AGL: variants seen among roughly 807,000 people sequenced by gnomAD.
The protein encoded by AGL is glycogen debranching enzyme.
AGL carries 128 observed loss-of-function variants against 199.3 expected under a neutral mutation model. The observed-to-expected ratio is 0.64, with a 90% CI of 0.56 to 0.74. The LOEUF is 0.74. Ranked by LOEUF, AGL falls within the 30% of genes least tolerant of loss-of-function variation. AGL has a pLI of 0.00. For missense variants in AGL, 1,809 were observed against 1,820.8 expected, an observed-to-expected ratio of 0.99 and a Z score of 0.12; for synonymous variants, 584 against 594.7, an observed-to-expected ratio of 0.98 and a Z score of 0.26.
Position 99,877,743 on chromosome 1 carries a change from T to A in AGL, c.1526T>A (p.Met509Lys), listed in dbSNP as rs1367177057. Residue 509 changes from methionine (M) to lysine (K), a missense_variant, in exon 12 of 34, where the codon ATG (methionine) becomes AAG (lysine). Coordinates refer to ENST00000361915, the MANE Select transcript of AGL (RefSeq NM_000642.3). ...GACTGTCCTTATCTCTGGGCACACATGAAAAAATACACTGAAATAACTGCA... is the reference window on the plus strand; with the variant it reads ...GACTGTCCTTATCTCTGGGCACACAAGAAAAAATACACTGAAATAACTGCA... ...PEDCPYLWAHMKKYTEITATY... is the reference protein window; with the variant it reads ...PEDCPYLWAHKKKYTEITATY... 1 of 1,614,018 alleles carries A rather than the reference T, an allele frequency of 6.2e-7. No individual in the cohort carries two copies. The highest frequency in any genetic ancestry group is 1.1e-5 in the South Asian group (1 of 91,082).
chr1:99,913,451 A>G, intron 29 of AGL, 76 bp from the exon 30 acceptor site: 1 of 1,213,326 alleles, frequency 8.2e-7, no homozygotes. Context: ...TAAACTAAAT[A>G]TTACTATTTG....
intron 31 of AGL, 75 bp downstream of exon 31, chr1:99,915,561 T>C (rs1557792926): frequency 5.4e-6 from 7 of 1,294,924 alleles, no homozygotes; most frequent in Non-Finnish European, 7.7e-6. Context: ...TAATTTTTTT[T>C]TTTTTGCCAG....
chr1:99,861,819 A>G, intron 3 of AGL, 106 bp downstream of exon 3: 2 of 1,282,148 alleles, frequency 1.6e-6, no homozygotes, highest in East Asian at 2.3e-5. Context: ...TGCAATTTTT[A>G]TAGTGCTTCC....
At chr1:99,900,286 A>C (rs1653722327) in intron 25 of AGL, among the ~76,000 whole-genome samples, 1 of 152,116 alleles carries the variant, frequency 6.6e-6, no homozygotes, top group African/African-American at 2.4e-5. Flanking sequence ...AAAATAATTA[A>C]GTTCTTGTTT....
chr1:99,861,261 C>A, intron 2 of AGL: 1 of 1,357,188 alleles, frequency 7.4e-7, no homozygotes, highest in Non-Finnish European at 9.5e-7. Flanking sequence ...AATGCGTTTC[C>A]AGGGGAAGGA....
intron 4 of AGL, among the ~76,000 whole-genome samples, chr1:99,862,756 A>G (rs1040423183): frequency 1.3e-5 from 2 of 152,160 alleles, no homozygotes; most frequent in Admixed American, 6.5e-5. Flanking sequence ...CTCACTCACT[A>G]TCATGAGAAC....
chr1:99,907,276 T>C (rs941180904), intron 27 of AGL, among the ~76,000 whole-genome samples: 3 of 152,316 alleles, frequency 2.0e-5, no homozygotes, highest in Middle Eastern at 3.4e-3. Flanking sequence ...ATCATACATA[T>C]GAGAATTTCA....
chr1:99,854,984 T>A (rs1649297914), intron 2 of AGL, among the ~76,000 whole-genome samples: 1 of 152,120 alleles, frequency 6.6e-6, no homozygotes, highest in African/African-American at 2.4e-5. Flanking sequence ...GCGGATCACC[T>A]GAGTTCAGGA....
In AGL at chr1:99,891,285, T is replaced by A. The variant is rs1204607008; in HGVS notation, c.2878T>A (p.Leu960Met). 6 of 1,613,584 alleles carry A rather than the reference T, an allele frequency of 3.7e-6. No individual in the cohort carries two copies. The highest frequency in any genetic ancestry group is 5.1e-6 in the Non-Finnish European group (6 of 1,179,734). Residue 960 changes from leucine to methionine, a missense_variant, in exon 22 of 34, where the codon TTG becomes ATG. Transcript: ENST00000361915. Reference sequence around the variant, plus strand: ...CTTGGGGCATCCTTTTTGTAATAATTTGAGATCTGGAGATTGGATGATTGA... The same window carrying A: ...CTTGGGGCATCCTTTTTGTAATAATATGAGATCTGGAGATTGGATGATTGA... ...NDLGHPFCNN[L>M]RSGDWMIDYV...
Position 99,921,766 on chromosome 1 carries a change from A to G in AGL, c.*115A>G. Reference sequence around the variant, plus strand: ...TTTTAAAAATCTCATTTATTATAATATTGATGCTCAATTAGGTAAGATTGT... The same window carrying G: ...TTTTAAAAATCTCATTTATTATAATGTTGATGCTCAATTAGGTAAGATTGT... On this transcript the variant is annotated 3_prime_UTR_variant, in exon 34 of 34. Transcript: ENST00000361915. 1.5e-6 allele frequency: 1 copy of G among 668,104 alleles called. No individual in the cohort carries two copies. The highest frequency in any genetic ancestry group is 2.6e-6 in the Non-Finnish European group (1 of 391,106). 41.4% of individuals were successfully genotyped at this position (668,104 alleles called of 1,614,324 possible). A position where few individuals can be genotyped will look rare whatever the true frequency, so the allele number is the denominator to read the frequency against.
intron 2 of AGL, among the ~76,000 whole-genome samples, chr1:99,857,847 A>AGAGGGAGGCCGGGGGGGGGGGGTGGGGGG (rs1557743553): frequency 1.2e-4 from 1 of 8,226 alleles, no homozygotes; most frequent in Non-Finnish European, 2.4e-4. Flanking sequence ...GGGGAGGGGG[A>AGAGGGAGGCCGGGGGGGGGGGGTGGGGGG]GGGGGGAAGA....
intron 24 of AGL, among the ~76,000 whole-genome samples, chr1:99,895,561 T>C (rs557814396): frequency 1.2e-4 from 19 of 152,328 alleles, no homozygotes; most frequent in African/African-American, 4.3e-4. Flanking sequence ...AATAATTTCA[T>C]GTTTAGGTTT....
intron 14 of AGL, 26 bp downstream of exon 14, chr1:99,880,821 C>T (rs1651955483): frequency 6.2e-7 from 1 of 1,611,906 alleles, no homozygotes; most frequent in South Asian, 1.1e-5. Flanking sequence ...TTTTCATGTA[C>T]TTATTTTGCT....
intron 4 of AGL, among the ~76,000 whole-genome samples, chr1:99,863,629 A>G (rs948685158): frequency 6.7e-6 from 1 of 150,030 alleles, no homozygotes; most frequent in African/African-American, 2.5e-5. Context: ...AATATTTTGT[A>G]TTTTTAGTAG....
intron 27 of AGL, among the ~76,000 whole-genome samples, chr1:99,909,517 GGTA>G (rs1654579061): frequency 6.6e-6 from 1 of 152,084 alleles, no homozygotes; most frequent in African/African-American, 2.4e-5. Flanking sequence ...TTTCTGTCTG[GGTA>G]GGGTCCCTCT....
At chr1:99,872,211 C>T (rs1416312620) in intron 7 of AGL, among the ~76,000 whole-genome samples, 1 of 152,072 alleles carries the variant, frequency 6.6e-6, no homozygotes, top group Non-Finnish European at 1.5e-5. Context: ...ATTCATTGAA[C>T]CACCTACTAC....
intron 33 of AGL, among the ~76,000 whole-genome samples, chr1:99,917,606 GTTCT>G (rs1218498057): frequency 3.9e-5 from 6 of 152,070 alleles, no homozygotes; most frequent in Non-Finnish European, 8.8e-5. Flanking sequence ...TATTCTGTCT[GTTCT>G]TTGTTAGCTT....
At chr1:99,871,929 GA>G (rs539188617) in intron 7 of AGL, among the ~76,000 whole-genome samples, 1 of 150,846 alleles carries the variant, frequency 6.6e-6, no homozygotes, top group African/African-American at 2.4e-5. Context: ...GACTCTTTGT[GA>G]AAAAAAATTC....
rs746779518 is a variant in AGL at position 99,896,373 on chromosome 1, G to T, written c.3347G>T (p.Arg1116Leu). 26 of 1,613,350 alleles carry T rather than the reference G, an allele frequency of 1.6e-5. No homozygotes were observed. The highest frequency in any genetic ancestry group is 2.2e-5 in the Non-Finnish European group (26 of 1,179,492). Residue 1116 changes from arginine to leucine, a missense_variant, in exon 25 of 34, where the codon CGC (arginine) becomes CTC (leucine). By Grantham distance (102) the Arg-to-Leu change is moderately radical. Transcript: ENST00000361915. ...ALRGILLITG[R>L]YVEARNIILA... ...AGAGGTATACTGCTGATTACTGGAC[G>T]CTATGTAGAAGCCAGGTAGGAGAGC... is the stretch of plus-strand genomic sequence containing the variant.
Sources: allele counts gnomAD v4.1 joint callset (sites outside exome capture counted in the v4.1 genomes callset), GRCh38; gene constraint gnomAD v4.1.1; transcripts MANE v1.5; gene names NCBI Gene and HGNC (gene_info 2026-07-23, HGNC 2026-07-21).